The following BNC2 variants were observed in gnomAD, a reference collection of about 807,000 sequenced individuals.
BNC2 encodes the protein basonuclin zinc finger protein 2, also known as zinc finger protein basonuclin-2.
BNC2 carries 20 observed loss-of-function variants against 76.3 expected under a neutral mutation model. The observed-to-expected ratio is 0.26, with a 90% CI of 0.18 to 0.38. The LOEUF (loss-of-function observed/expected upper bound fraction) is 0.38. BNC2 is among the 10% of genes least tolerant of loss of function. The pLI is 1.00. For synonymous variants in BNC2, 582 were observed against 514.8 expected, an observed-to-expected ratio of 1.13 and a Z score of -1.77; for missense variants, 1,382 against 1,399.8, an observed-to-expected ratio of 0.99 and a Z score of 0.20.
At chr9:16,447,490 G>A (rs577306080) in intron 5 of BNC2, among the ~76,000 whole-genome samples, 82 of 152,062 alleles carry the variant, frequency 5.4e-4, no homozygotes, top group African/African-American at 1.9e-3. Context: ...TGTAACCAAC[G>A]TATTTTTAGA....
At chr9:16,717,973 G>A (rs747551398) in intron 3 of BNC2, among the ~76,000 whole-genome samples, 4 of 152,124 alleles carry the variant, frequency 2.6e-5, no homozygotes, top group Non-Finnish European at 5.9e-5. Context: ...TTACTAAAAG[G>A]ATGTTTTCAA....
rs112078708 is a variant in BNC2, at chr9:16,452,777, CTTT to C, written c.670-15256_670-15254del. Among the ~76,000 whole-genome samples, 729 of 152,294 alleles carry C rather than the reference CTTT, an allele frequency of 4.8e-3. 6 individuals carry two copies. The highest frequency in any genetic ancestry group is 0.017 in the African/African-American group (687 of 41,558). ...CCTTCATCTTATCTTCTGCAAATAACTTTTTACATTGATTAATTCCTGAATTCT... is the reference window on the plus strand; with the variant it reads ...CCTTCATCTTATCTTCTGCAAATAACTTACATTGATTAATTCCTGAATTCT... On this transcript the variant is annotated intron_variant, in intron 5 of 6. Transcript: ENST00000380672.
At chr9:16,522,579 G>C (rs1307600509) in intron 5 of BNC2, among the ~76,000 whole-genome samples, 1 of 152,172 alleles carries the variant, frequency 6.6e-6, no homozygotes, top group Non-Finnish European at 1.5e-5. Flanking sequence ...GTGTGACTGA[G>C]ACTTGATAAC....
intron 1 of BNC2, among the ~76,000 whole-genome samples, chr9:16,742,242 A>C (rs1488764492): frequency 6.6e-6 from 1 of 152,232 alleles, no homozygotes; most frequent in African/African-American, 2.4e-5. Flanking sequence ...TATGTCACCT[A>C]TGTGATTTGA....
At chr9:16,698,972 A>C (rs772357976) in intron 3 of BNC2, among the ~76,000 whole-genome samples, 8 of 152,236 alleles carry the variant, frequency 5.3e-5, no homozygotes, top group Non-Finnish European at 1.0e-4. Context: ...AGTTGTATTT[A>C]AAAGTTTTAA....
At chr9:16,487,242 A>T (rs1822184345) in intron 5 of BNC2, among the ~76,000 whole-genome samples, 1 of 152,146 alleles carries the variant, frequency 6.6e-6, no homozygotes, top group Admixed American at 6.5e-5. Context: ...GGATGTAATA[A>T]CAGCAGTAAG....
chr9:16,564,110 C>T (rs1236298981), intron 4 of BNC2, among the ~76,000 whole-genome samples: 1 of 152,024 alleles, frequency 6.6e-6, no homozygotes, highest in African/African-American at 2.4e-5. Context: ...TGACAGAAAG[C>T]AACAATTTCA....
At chr9:16,839,990 C>T (rs1818790273) in intron 1 of BNC2, among the ~76,000 whole-genome samples, 1 of 152,132 alleles carries the variant, frequency 6.6e-6, no homozygotes, top group Non-Finnish European at 1.5e-5. Context: ...TTCTCAATAG[C>T]CTTTACCAAT....
At chr9:16,448,403 G>A (rs747877682) in intron 5 of BNC2, among the ~76,000 whole-genome samples, 1 of 152,038 alleles carries the variant, frequency 6.6e-6, no homozygotes, top group Non-Finnish European at 1.5e-5. Flanking sequence ...ACAATTCAAG[G>A]CTACAACCTC....
chr9:16,751,091 T>G (rs1005406727), intron 1 of BNC2, among the ~76,000 whole-genome samples: 5 of 152,158 alleles, frequency 3.3e-5, no homozygotes, highest in Admixed American at 1.3e-4. Context: ...AATTATACCT[T>G]TTTTAACATT....
intron 1 of BNC2, among the ~76,000 whole-genome samples, chr9:16,790,398 G>A (rs1414426600): frequency 1.3e-5 from 2 of 152,048 alleles, no homozygotes; most frequent in African/African-American, 4.8e-5. Flanking sequence ...TAAATGTGTA[G>A]GAAAATGAAA....
chr9:16,642,355 T>C (rs778212501), intron 3 of BNC2, among the ~76,000 whole-genome samples: 2 of 152,188 alleles, frequency 1.3e-5, no homozygotes, highest in Non-Finnish European at 2.9e-5. Flanking sequence ...CTAAGAAACA[T>C]CTCCAAAGTT....
intron 3 of BNC2, among the ~76,000 whole-genome samples, chr9:16,644,238 G>T (rs970090573): frequency 1.3e-5 from 2 of 152,180 alleles, no homozygotes; most frequent in Non-Finnish European, 2.9e-5. Flanking sequence ...AAGAGGAAAA[G>T]AATCTAGATA....
intron 1 of BNC2, among the ~76,000 whole-genome samples, chr9:16,744,260 C>T (rs1392820182): frequency 6.6e-6 from 1 of 152,236 alleles, no homozygotes. Context: ...TAAGCCACCA[C>T]GCCTGGCCTA....
At chr9:16,699,750 AC>A (rs1823452182) in intron 3 of BNC2, among the ~76,000 whole-genome samples, 1 of 152,226 alleles carries the variant, frequency 6.6e-6, no homozygotes, top group Non-Finnish European at 1.5e-5. Context: ...AGGTTATATA[AC>A]TTTTACAAAG....
At chr9:16,555,051 G>A (rs916268042) in intron 4 of BNC2, among the ~76,000 whole-genome samples, 4 of 143,792 alleles carry the variant, frequency 2.8e-5, no homozygotes, top group African/African-American at 8.9e-5. Flanking sequence ...ACGGAGTCTC[G>A]CTCTGTCGCC....
intron 5 of BNC2, among the ~76,000 whole-genome samples, chr9:16,463,115 G>C (rs1009134394): frequency 6.6e-6 from 1 of 152,060 alleles, no homozygotes; most frequent in African/African-American, 2.4e-5. Flanking sequence ...AGTACACTAA[G>C]AGTGTACTGA....
At chr9:16,772,191 G>C (rs893298639) in intron 1 of BNC2, among the ~76,000 whole-genome samples, 1 of 152,088 alleles carries the variant, frequency 6.6e-6, no homozygotes, top group African/African-American at 2.4e-5. Flanking sequence ...TTCCCTACAG[G>C]TTATTTTCTT....
chr9:16,566,710 AGACTGATG>A (rs1224354960), intron 4 of BNC2, among the ~76,000 whole-genome samples: 1 of 152,180 alleles, frequency 6.6e-6, no homozygotes, highest in Non-Finnish European at 1.5e-5. Flanking sequence ...TCAATACGCT[AGACTGATG>A]GCCTTATAGC....
Sources: allele counts gnomAD v4.1 joint callset (sites outside exome capture counted in the v4.1 genomes callset), GRCh38; gene constraint gnomAD v4.1.1; transcripts MANE v1.5; gene names NCBI Gene and HGNC (gene_info 2026-07-23, HGNC 2026-07-21).